Variants in PNLIPRP3 observed in about 807,000 individuals in gnomAD.
PNLIPRP3 encodes the protein pancreatic lipase related protein 3.
In PNLIPRP3, 58 loss-of-function variants were observed where a neutral mutation model predicts 52.8. The ratio of observed to expected loss-of-function variants is 1.10; its 90% CI spans 0.89 to 1.37. The LOEUF is 1.37. Among genes scored for constraint, PNLIPRP3 ranks in the 40% most tolerant of loss-of-function variants. PNLIPRP3 has a pLI of 0.00. For synonymous variants in PNLIPRP3, 192 were observed against 185.0 expected, an observed-to-expected ratio of 1.04 and a Z score of -0.31; for missense variants, 593 against 561.6, an observed-to-expected ratio of 1.06 and a Z score of -0.57.
chr10:116,472,123 T>C (rs1387171664), intron 10 of PNLIPRP3, among the ~76,000 whole-genome samples: 1 of 152,164 alleles, frequency 6.6e-6, no homozygotes, highest in Non-Finnish European at 1.5e-5. Flanking sequence ...AAAATACAGA[T>C]CTAGATAATA....
At chr10:116,454,835 G>T (rs549743889) in intron 4 of PNLIPRP3, among the ~76,000 whole-genome samples, 6 of 152,314 alleles carry the variant, frequency 3.9e-5, no homozygotes, top group Non-Finnish European at 7.3e-5. Context: ...GAATAATGCT[G>T]CAATGAAATG....
Position 116,455,749 on chromosome 10 carries a change from G to C in PNLIPRP3, c.484G>C (p.Val162Leu), listed in dbSNP as rs143884799. Reference protein sequence around the residue: ...MKKFEYSPSKVHLIGHSLGAH... With the variant: ...MKKFEYSPSKLHLIGHSLGAH... ...AAAATTTGAATATTCCCCTTCTAAA[G>C]TGCACTTGATTGGCCACAGCTTGGG... The change falls in exon 5 of 12, where the codon GTG (valine) becomes CTG (leucine). Residue 162 changes from valine (V) to leucine (L), a missense_variant. Coordinates refer to ENST00000369230, the MANE Select transcript of PNLIPRP3 (RefSeq NM_001011709.3). The C allele has an allele frequency of 2.5e-6, 4 of 1,613,462 alleles. No individual in the cohort carries two copies. Among genetic ancestry groups the C allele is most frequent in the African/African-American group, 1.3e-5 (1 of 74,732 alleles).
chr10:116,450,199 C>T (rs1846014738), intron 4 of PNLIPRP3, among the ~76,000 whole-genome samples: 1 of 152,176 alleles, frequency 6.6e-6, no homozygotes, highest in African/African-American at 2.4e-5. Context: ...CTAGATCAAG[C>T]TTGCCCAACC....
At chr10:116,472,815 T>C (rs1450683379) in intron 10 of PNLIPRP3, among the ~76,000 whole-genome samples, 3 of 152,214 alleles carry the variant, frequency 2.0e-5, no homozygotes, top group African/African-American at 4.8e-5. Flanking sequence ...CTGTTTGCAC[T>C]ACCCAGTACT....
chr10:116,471,576 A>G (rs1589991846), intron 9 of PNLIPRP3, among the ~76,000 whole-genome samples, 192 bp from the exon 10 acceptor site: 2 of 152,242 alleles, frequency 1.3e-5, no homozygotes, highest in East Asian at 3.8e-4. Flanking sequence ...AATGTGACCC[A>G]TAATGTGTAT....
In PNLIPRP3 at chr10:116,427,989, A is replaced by G. The variant is rs1845661030; in HGVS notation, c.-24A>G. On this transcript the variant is annotated 5_prime_UTR_variant, in exon 1 of 12. An upstream start codon of the reference 5' UTR is lost. Transcript: ENST00000369230. ...AGTAAAGATCTTCAAGAAGATTTTT[A>G]TGTGATTTAAAAAATCAGCTTAGAT... The G allele has an allele frequency of 1.3e-6, 2 of 1,588,840 alleles. No homozygotes were observed. The highest frequency in any genetic ancestry group is 2.2e-5 in the South Asian group (2 of 89,408).
chr10:116,455,628 C>T, intron 4 of PNLIPRP3, 94 bp from the exon 5 acceptor site: 2 of 855,924 alleles, frequency 2.3e-6, no homozygotes, highest in Non-Finnish European at 3.5e-6. Flanking sequence ...AAGGGAGAAC[C>T]ATGTTGATCC....
intron 7 of PNLIPRP3, among the ~76,000 whole-genome samples, chr10:116,464,328 G>A (rs531896741): frequency 6.6e-6 from 1 of 152,298 alleles, no homozygotes; most frequent in Non-Finnish European, 1.5e-5. Context: ...TGTGTCAGAG[G>A]TCCTAGTGAT....
intron 1 of PNLIPRP3, among the ~76,000 whole-genome samples, chr10:116,430,101 G>T (rs1182850263): frequency 6.6e-6 from 1 of 152,164 alleles, no homozygotes; most frequent in East Asian, 1.9e-4. Context: ...AGTCTTAATA[G>T]GATGAAGGTT....
intron 5 of PNLIPRP3, among the ~76,000 whole-genome samples, chr10:116,456,484 GT>G (rs1381830458): frequency 6.6e-6 from 1 of 152,080 alleles, no homozygotes; most frequent in Non-Finnish European, 1.5e-5. Context: ...ATTTTTAAAA[GT>G]TATTTTTAAA....
chr10:116,430,046 G>C (rs947939613), intron 1 of PNLIPRP3, among the ~76,000 whole-genome samples: 1 of 152,166 alleles, frequency 6.6e-6, no homozygotes, highest in Admixed American at 6.5e-5. Flanking sequence ...AGAAAGAGAA[G>C]GGAGTAATGT....
chr10:116,473,711 G>A (rs1420135433), intron 10 of PNLIPRP3, among the ~76,000 whole-genome samples: 2 of 151,736 alleles, frequency 1.3e-5, no homozygotes, highest in South Asian at 2.1e-4. Context: ...TAGTAGAGAC[G>A]GGGTTCACCA....
chr10:116,436,480 AAAAT>A (rs1215194296), intron 1 of PNLIPRP3, among the ~76,000 whole-genome samples: 6 of 152,334 alleles, frequency 3.9e-5, no homozygotes, highest in African/African-American at 1.2e-4. Flanking sequence ...GCAACGAAAT[AAAAT>A]AAATAAACAA....
chr10:116,444,079 G>A (rs1282576363), intron 3 of PNLIPRP3, among the ~76,000 whole-genome samples: 2 of 151,922 alleles, frequency 1.3e-5, no homozygotes, highest in Non-Finnish European at 2.9e-5. Context: ...GGAAGGAGAA[G>A]TGCCAAGTGA....
chr10:116,469,085 GATCCTGGAGATTT>G (rs1846324944), intron 8 of PNLIPRP3, 87 bp from the exon 9 acceptor site: 4 of 1,195,882 alleles, frequency 3.3e-6, no homozygotes, highest in African/African-American at 1.6e-5. Context: ...CCTTTATTTA[GATCCTGGAGATTT>G]ATTATTATTT....
intron 4 of PNLIPRP3, among the ~76,000 whole-genome samples, chr10:116,446,333 G>C (rs1445774173): frequency 8.2e-6 from 1 of 122,054 alleles, no homozygotes; most frequent in Non-Finnish European, 1.7e-5. Flanking sequence ...GCCAGAGTGC[G>C]ACGCTGCGTC....
At chr10:116,439,579 C>A (rs892535206) in intron 2 of PNLIPRP3, 32 of 816,786 alleles carry the variant, frequency 3.9e-5, no homozygotes, top group Non-Finnish European at 6.5e-5. Flanking sequence ...TTATAGTCAG[C>A]AACATCCTTC....
chr10:116,461,245 T>A lies in PNLIPRP3; in HGVS notation c.763T>A (p.Leu255Ile), dbSNP rs548386035. Reference sequence around the variant, plus strand: ...GAAGCACATGCCAGGATGTGAAGACTTAATTACACCTTTACTGAAATTTAA... The same window carrying A: ...GAAGCACATGCCAGGATGTGAAGACATAATTACACCTTTACTGAAATTTAA... ...GGKHMPGCED[L>I]ITPLLKFNFN... Residue 255 changes from leucine (L) to isoleucine (I), a missense_variant, in exon 7 of 12, where the codon TTA (leucine) becomes ATA (isoleucine). By Grantham distance (5) the Leu-to-Ile change is conservative (BLOSUM62 2). Coordinates refer to ENST00000369230, the MANE Select transcript of PNLIPRP3 (RefSeq NM_001011709.3). 12 of 1,613,466 alleles carry A rather than the reference T, an allele frequency of 7.4e-6. No homozygotes were observed. In the Admixed American group the frequency reaches 2.0e-4, roughly 27 times the overall value.
At chr10:116,454,206 C>T (rs527407009) in intron 4 of PNLIPRP3, among the ~76,000 whole-genome samples, 1 of 152,172 alleles carries the variant, frequency 6.6e-6, no homozygotes, top group South Asian at 2.1e-4. Context: ...GCAACCTCTG[C>T]CTTCTGGGTT....
Sources: gnomAD v4.1 joint callset for allele counts (sites outside exome capture counted in the v4.1 genomes callset) on GRCh38, gnomAD v4.1.1 for gene constraint, MANE v1.5 for transcripts, NCBI Gene and HGNC (gene_info 2026-07-23, HGNC 2026-07-21) for gene names.